Variants in NR3C2 observed in about 807,000 individuals in gnomAD.
NR3C2 encodes the protein mineralocorticoid receptor.
NR3C2 carries 15 observed loss-of-function variants against 86.4 expected under a neutral mutation model. The observed-to-expected ratio is 0.17, with a 90% CI of 0.12 to 0.27. The LOEUF (loss-of-function observed/expected upper bound fraction) is 0.27. NR3C2 is among the 10% of genes least tolerant of loss of function. The probability of loss-of-function intolerance (pLI) is 1.00; values close to 1 mark genes in which losing one functional copy is unlikely to be tolerated. For synonymous variants in NR3C2, 458 were observed against 450.5 expected (o/e 1.02, Z -0.21); for missense variants, 960 against 1,195.6 (o/e 0.80, Z 2.91).
chr4:148,185,644 G>C (rs1735856347), intron 4 of NR3C2, among the ~76,000 whole-genome samples: 1 of 152,106 alleles, frequency 6.6e-6, no homozygotes, highest in Non-Finnish European at 1.5e-5. Flanking sequence ...AGTCCTCTCT[G>C]TAGAGATGAC....
chr4:148,209,243 CAAAAAAAAAAA>C (rs772286541), intron 3 of NR3C2, among the ~76,000 whole-genome samples: 1 of 108,814 alleles, frequency 9.2e-6, no homozygotes, highest in Non-Finnish European at 2.0e-5. Flanking sequence ...GACTCAGTCT[CAAAAAAAAAAA>C]AAAAAAAGAA....
intron 2 of NR3C2, among the ~76,000 whole-genome samples, chr4:148,383,382 G>C (rs1479182827): frequency 2.0e-5 from 3 of 152,140 alleles, no homozygotes; most frequent in Admixed American, 2.0e-4. Context: ...TAGTACCCTA[G>C]AAATCTGGTA....
chr4:148,264,239 T>C (rs1004480706), intron 2 of NR3C2, among the ~76,000 whole-genome samples: 1 of 152,154 alleles, frequency 6.6e-6, no homozygotes, highest in African/African-American at 2.4e-5. Context: ...ATAGATGGGT[T>C]TGGAAAACTC....
intron 3 of NR3C2, among the ~76,000 whole-genome samples, chr4:148,248,165 A>C (rs1326225908): frequency 6.6e-6 from 1 of 152,224 alleles, no homozygotes; most frequent in Non-Finnish European, 1.5e-5. Flanking sequence ...CATGACTATA[A>C]CAATTTCATC....
At chr4:148,299,793 C>CA (rs1742247692) in intron 2 of NR3C2, among the ~76,000 whole-genome samples, 1 of 152,194 alleles carries the variant, frequency 6.6e-6, no homozygotes, top group African/African-American at 2.4e-5. Flanking sequence ...ACCCTGTCAG[C>CA]AGTTAACACA....
chr4:148,177,251 C>A (rs1372359701), intron 4 of NR3C2, among the ~76,000 whole-genome samples: 2 of 152,118 alleles, frequency 1.3e-5, no homozygotes, highest in Non-Finnish European at 2.9e-5. Flanking sequence ...TTTGACAAAT[C>A]AATAGTTTTA....
intron 2 of NR3C2, among the ~76,000 whole-genome samples, chr4:148,360,047 T>C (rs990054352): frequency 2.6e-5 from 4 of 152,168 alleles, no homozygotes; most frequent in African/African-American, 9.7e-5. Flanking sequence ...AGGAATTTCT[T>C]AGTAAGAGTG....
chr4:148,091,776 C>T (rs951576263), intron 8 of NR3C2, among the ~76,000 whole-genome samples: 1 of 152,222 alleles, frequency 6.6e-6, no homozygotes, highest in African/African-American at 2.4e-5. Flanking sequence ...ACTTGTACAT[C>T]ATCAGACACT....
intron 2 of NR3C2, among the ~76,000 whole-genome samples, chr4:148,351,579 C>A (rs1004723390): frequency 6.6e-6 from 1 of 152,182 alleles, no homozygotes; most frequent in African/African-American, 2.4e-5. Context: ...CCTCTACAGA[C>A]CCCAGGCCTC....
Position 148,330,228 on chromosome 4 carries a change from A to G in NR3C2, c.1758-70111T>C, listed in dbSNP as rs145703654. Among the ~76,000 whole-genome samples the G allele has an allele frequency of 6.2e-4, 94 of 152,320 alleles. 2 individuals are homozygous for G. The East Asian group carries it at 0.015, about 25-fold the overall frequency. ...ACTAATTAATCCTAATGAAAGCCCC[A>G]CAATACACGTCAGGTTGGAATTCAT... On this transcript the variant is annotated intron_variant, in intron 2 of 8. Transcript: ENST00000358102.
chr4:148,433,089 G>A (rs1239422779), intron 2 of NR3C2, among the ~76,000 whole-genome samples: 2 of 152,122 alleles, frequency 1.3e-5, no homozygotes, highest in African/African-American at 4.8e-5. Context: ...ATGAATGCAG[G>A]ATAGGCTCAA....
At chr4:148,286,767 ACT>A (rs1741543028) in intron 2 of NR3C2, among the ~76,000 whole-genome samples, 2 of 152,200 alleles carry the variant, frequency 1.3e-5, no homozygotes, top group Non-Finnish European at 2.9e-5. Flanking sequence ...ATAAATTCAA[ACT>A]CTAATTTTAT....
chr4:148,135,404 TG>T (rs1733252388), intron 6 of NR3C2, among the ~76,000 whole-genome samples: 1 of 152,116 alleles, frequency 6.6e-6, no homozygotes, highest in Non-Finnish European at 1.5e-5. Context: ...TCTTTTCCTC[TG>T]GTAGAAGCAG....
At position 148,361,339 on chromosome 4, in the gene NR3C2, G is replaced by A. The variant is rs377488200; in HGVS notation, c.1757+73765C>T. Among the ~76,000 whole-genome samples the A allele has an allele frequency of 6.6e-5, 10 of 152,240 alleles. No homozygotes were observed. The East Asian group carries it at 1.5e-3, about 24-fold the overall frequency. On this transcript the variant is annotated intron_variant, in intron 2 of 8. Coordinates refer to ENST00000358102, the MANE Select transcript of NR3C2 (RefSeq NM_000901.5). ...CTTTGAATAAAAATCTCTAGGCTAC[G>A]ATATTCTTTTCTTTCTTAAATGTAA...
chr4:148,094,601 G>T (rs894094334), intron 8 of NR3C2, among the ~76,000 whole-genome samples: 2 of 152,024 alleles, frequency 1.3e-5, no homozygotes, highest in African/African-American at 4.8e-5. Flanking sequence ...TGTAATCCCA[G>T]TTACTCGGGA....
chr4:148,253,215 G>A (rs1739659309), intron 3 of NR3C2, among the ~76,000 whole-genome samples: 1 of 152,194 alleles, frequency 6.6e-6, no homozygotes, highest in Admixed American at 6.5e-5. Context: ...GCTGCAAGCT[G>A]GGTGTTGCCT....
chr4:148,306,142 C>G (rs921486992), intron 2 of NR3C2, among the ~76,000 whole-genome samples: 2 of 152,196 alleles, frequency 1.3e-5, no homozygotes, highest in Non-Finnish European at 2.9e-5. Flanking sequence ...TGCAGCTTAG[C>G]AGGTGCTGTT....
chr4:148,249,832 C>T (rs1739490272), intron 3 of NR3C2, among the ~76,000 whole-genome samples: 1 of 152,122 alleles, frequency 6.6e-6, no homozygotes, highest in African/African-American at 2.4e-5. Flanking sequence ...TATTAAAGAG[C>T]TTCAAATAGG....
At chr4:148,265,356 G>A (rs920536532) in intron 2 of NR3C2, among the ~76,000 whole-genome samples, 8 of 152,066 alleles carry the variant, frequency 5.3e-5, no homozygotes, top group African/African-American at 1.7e-4. Flanking sequence ...CCAAAAGAAT[G>A]GTGCTTGGGG....
Sources: gnomAD v4.1 joint callset for allele counts (sites outside exome capture counted in the v4.1 genomes callset) on GRCh38, gnomAD v4.1.1 for gene constraint, MANE v1.5 for transcripts, NCBI Gene and HGNC (gene_info 2026-07-23, HGNC 2026-07-21) for gene names.